CEMIP: variants seen among roughly 807,000 people sequenced by gnomAD.
CEMIP encodes the protein cell migration inducing hyaluronidase 1.
In CEMIP, 105 loss-of-function variants were observed where a neutral mutation model predicts 156.9. That is an observed-to-expected ratio of 0.67 (90% CI 0.57 to 0.79). The LOEUF (loss-of-function observed/expected upper bound fraction) is 0.79. Among genes scored for constraint, CEMIP ranks in the 30% least tolerant of loss-of-function variants. The pLI, the probability that CEMIP is intolerant of heterozygous loss-of-function variation, is 0.00. For missense variants in CEMIP, 1,457 were observed against 1,769.4 expected, an observed-to-expected ratio of 0.82 and a Z score of 3.17; for synonymous variants, 676 against 668.4, an observed-to-expected ratio of 1.01 and a Z score of -0.17.
chr15:80,850,063 T>C (rs1456081429), intron 1 of CEMIP, among the ~76,000 whole-genome samples: 2 of 152,154 alleles, frequency 1.3e-5, no homozygotes, highest in Admixed American at 6.5e-5. Flanking sequence ...GAAGGTTCCA[T>C]TGGCAAAGCG....
intron 1 of CEMIP, among the ~76,000 whole-genome samples, chr15:80,816,457 T>C (rs1248994304): frequency 6.6e-6 from 1 of 152,134 alleles, no homozygotes; most frequent in Non-Finnish European, 1.5e-5. Context: ...TAGGATCTTA[T>C]CACCTCTCCT....
chr15:80,835,653 A>T (rs1040873406), intron 1 of CEMIP, among the ~76,000 whole-genome samples: 3 of 152,250 alleles, frequency 2.0e-5, no homozygotes, highest in Non-Finnish European at 4.4e-5. Context: ...TTTGTTCATT[A>T]CAGATTGGAA....
At chr15:80,877,624 G>T (rs534967485) in intron 3 of CEMIP, among the ~76,000 whole-genome samples, 2 of 152,174 alleles carry the variant, frequency 1.3e-5, no homozygotes, top group African/African-American at 2.4e-5. Flanking sequence ...GATGGAGATT[G>T]TTCCAGTTTC....
chr15:80,845,913 C>A (rs1284963586), intron 1 of CEMIP, among the ~76,000 whole-genome samples: 1 of 152,196 alleles, frequency 6.6e-6, no homozygotes, highest in African/African-American at 2.4e-5. Flanking sequence ...CTCCCTCCAT[C>A]CTCTAGATCT....
At chr15:80,811,518 G>A (rs1177831363) in intron 1 of CEMIP, among the ~76,000 whole-genome samples, 1 of 152,206 alleles carries the variant, frequency 6.6e-6, no homozygotes. Flanking sequence ...AGTGATGAAT[G>A]TCCCATTTTA....
At position 80,942,802 on chromosome 15, in the gene CEMIP, G is replaced by A. The variant is rs111462142; in HGVS notation, c.3700-143G>A. 6.5e-4 allele frequency: 612 copies of A among 948,114 alleles called. 6 individuals are homozygous for A. Among genetic ancestry groups the A allele is most frequent in the South Asian group, 6.2e-3 (476 of 76,428 alleles). The allele number at this position is 948,114 out of a possible 1,614,324, so 58.7% of individuals were successfully genotyped here. A position where few individuals can be genotyped will look rare whatever the true frequency, so the allele number is the denominator to read the frequency against. On this transcript the variant is annotated intron_variant, in intron 27 of 29. Coordinates refer to ENST00000394685, the MANE Select transcript of CEMIP (RefSeq NM_001293298.2). ...TTGACCCACTACTGAGGGCTACGAG[G>A]AGTTAAGTGGATAATGGAGTTTACG... is the stretch of plus-strand genomic sequence containing the variant.
chr15:80,855,687 T>C (rs926914929), intron 1 of CEMIP, among the ~76,000 whole-genome samples: 2 of 152,068 alleles, frequency 1.3e-5, no homozygotes, highest in Admixed American at 1.3e-4. Flanking sequence ...CACACTTGGC[T>C]AATTTTTGCG....
At chr15:80,808,333 A>T (rs542618122) in intron 1 of CEMIP, among the ~76,000 whole-genome samples, 26 of 152,294 alleles carry the variant, frequency 1.7e-4, no homozygotes, top group Non-Finnish European at 3.2e-4. Context: ...AATGGAAGGT[A>T]TTACATACAG....
intron 19 of CEMIP, among the ~76,000 whole-genome samples, chr15:80,927,339 C>T (rs1376702013): frequency 6.6e-6 from 1 of 152,180 alleles, no homozygotes; most frequent in African/African-American, 2.4e-5. Context: ...AGACACCAAT[C>T]TATGGGATAA....
At chr15:80,832,322 C>CTCTCTGTGTGTGTG (rs1555429057) in intron 1 of CEMIP, among the ~76,000 whole-genome samples, 14 of 128,108 alleles carry the variant, frequency 1.1e-4, no homozygotes, top group Middle Eastern at 4.0e-3. Flanking sequence ...AAAATAAACT[C>CTCTCTGTGTGTGTG]TGTGTGTGTG....
rs151233260 is a variant in CEMIP at position 80,934,539 on chromosome 15, C to T, written c.3009+1079C>T. Among the ~76,000 whole-genome samples the T allele has an allele frequency of 4.8e-3, 734 of 152,248 alleles. 5 individuals are homozygous for T. The highest frequency in any genetic ancestry group is 0.016 in the African/African-American group (679 of 41,524). On this transcript the variant is annotated intron_variant, in intron 23 of 29. Coordinates refer to ENST00000394685, the MANE Select transcript of CEMIP (RefSeq NM_001293298.2). Reference sequence around the variant, plus strand: ...TTGTCAGGTTCACAGTGAGCCAGGTCGTCTCAGAGAATGAAGGAAACATGT... The same window carrying T: ...TTGTCAGGTTCACAGTGAGCCAGGTTGTCTCAGAGAATGAAGGAAACATGT...
At chr15:80,832,367 A>G (rs1470246172) in intron 1 of CEMIP, among the ~76,000 whole-genome samples, 1 of 35,578 alleles carries the variant, frequency 2.8e-5, no homozygotes, top group Non-Finnish European at 6.5e-5. Flanking sequence ...TGTGTAAGAG[A>G]AACAGACAGA....
intron 5 of CEMIP, among the ~76,000 whole-genome samples, chr15:80,880,450 GTTTTGAGATGGAATC>G (rs1337324376): frequency 6.6e-6 from 1 of 152,130 alleles, no homozygotes; most frequent in African/African-American, 2.4e-5. Context: ...TGTTGTTGTT[GTTTTGAGATGGAATC>G]TTGCTCTGTG....
chr15:80,910,567 T>C (rs557718102), intron 14 of CEMIP, among the ~76,000 whole-genome samples: 1 of 152,370 alleles, frequency 6.6e-6, no homozygotes, highest in African/African-American at 2.4e-5. Context: ...GTTTCTGTGT[T>C]TTAAATGCTC....
chr15:80,892,252 C>G (rs1180873647), intron 10 of CEMIP, among the ~76,000 whole-genome samples: 2 of 152,018 alleles, frequency 1.3e-5, no homozygotes, highest in African/African-American at 4.8e-5. Flanking sequence ...GCAACCTAGG[C>G]AAGATTGGAG....
chr15:80,946,091 A>G (rs1191721537), intron 28 of CEMIP, among the ~76,000 whole-genome samples: 1 of 152,172 alleles, frequency 6.6e-6, no homozygotes, highest in African/African-American at 2.4e-5. Flanking sequence ...AACCAGAGAG[A>G]GGTGACGTGA....
intron 1 of CEMIP, among the ~76,000 whole-genome samples, chr15:80,833,165 C>G (rs1463231391): frequency 6.6e-6 from 1 of 152,174 alleles, no homozygotes; most frequent in African/African-American, 2.4e-5. Context: ...GAAGGACTAT[C>G]AAAGAATGCA....
chr15:80,866,851 T>C (rs557250572), intron 1 of CEMIP, among the ~76,000 whole-genome samples: 1 of 149,524 alleles, frequency 6.7e-6, no homozygotes, highest in East Asian at 2.0e-4. Context: ...ACTATCCAAA[T>C]AATGATTTGA....
intron 14 of CEMIP, among the ~76,000 whole-genome samples, chr15:80,916,213 G>A (rs967853083): frequency 3.9e-5 from 6 of 152,114 alleles, no homozygotes; most frequent in African/African-American, 1.2e-4. Flanking sequence ...CACTTCAAAC[G>A]TGTCCTGGTT....
Sources: allele counts gnomAD v4.1 joint callset (sites outside exome capture counted in the v4.1 genomes callset), GRCh38; gene constraint gnomAD v4.1.1; transcripts MANE v1.5; gene names NCBI Gene and HGNC (gene_info 2026-07-23, HGNC 2026-07-21).